TANC1: variants seen among roughly 807,000 people sequenced by gnomAD.
The protein encoded by TANC1 is tetratricopeptide repeat, ankyrin repeat and coiled-coil containing 1.
In TANC1, 77 loss-of-function variants were observed where a neutral mutation model predicts 149.7. That is an observed-to-expected ratio of 0.51 (90% CI 0.43 to 0.62). The LOEUF is 0.62. Ranked by LOEUF, TANC1 falls within the 20% of genes least tolerant of loss-of-function variation. The pLI is 0.00. For synonymous variants in TANC1, 854 were observed against 925.0 expected, an observed-to-expected ratio of 0.92 and a Z score of 1.39; for missense variants, 1,985 against 2,321.8, an observed-to-expected ratio of 0.85 and a Z score of 2.98.
intron 2 of TANC1, among the ~76,000 whole-genome samples, chr2:159,029,590 G>A (rs2039621795): frequency 1.3e-5 from 2 of 152,154 alleles, no homozygotes; most frequent in South Asian, 2.1e-4. Flanking sequence ...TTTAGAGACA[G>A]TCTTGCTCTG....
chr2:159,104,131 G>A (rs1220533853), intron 4 of TANC1, among the ~76,000 whole-genome samples: 2 of 96,310 alleles, frequency 2.1e-5, no homozygotes, highest in Non-Finnish European at 2.9e-5. Context: ...GAGGTGAATA[G>A]GAGAGCATTC....
intron 2 of TANC1, among the ~76,000 whole-genome samples, chr2:159,033,136 T>A (rs977544307): frequency 2.0e-5 from 3 of 152,146 alleles, no homozygotes; most frequent in African/African-American, 2.4e-5. Flanking sequence ...AAGCCTAGTC[T>A]GTGGTTGGGA....
At chr2:159,096,293 A>T (rs115640433) in intron 3 of TANC1, among the ~76,000 whole-genome samples, 126 of 130,694 alleles carry the variant, frequency 9.6e-4, no homozygotes, top group African/African-American at 2.6e-3. Flanking sequence ...GACTGGCTGT[A>T]TTTTTTTTTT....
chr2:159,074,048 A>G (rs1281158048), intron 3 of TANC1, among the ~76,000 whole-genome samples: 1 of 152,198 alleles, frequency 6.6e-6, no homozygotes, highest in African/African-American at 2.4e-5. Context: ...GATCAGCATC[A>G]AATTGAGAAA....
chr2:159,081,560 GA>G (rs1282220625), intron 3 of TANC1, among the ~76,000 whole-genome samples: 2 of 152,114 alleles, frequency 1.3e-5, no homozygotes, highest in Non-Finnish European at 2.9e-5. Context: ...GATGTGGCAG[GA>G]AAAAGTTTAA....
At chr2:159,218,498 G>A (rs9287785) in intron 20 of TANC1, among the ~76,000 whole-genome samples, 13,170 of 152,204 alleles carry the variant, frequency 0.087, 1,209 homozygotes, top group East Asian at 0.23. Context: ...GTGGATAAAC[G>A]AGCAAGAAGG....
At chr2:159,036,871 A>G (rs900084565) in intron 2 of TANC1, among the ~76,000 whole-genome samples, 3 of 152,198 alleles carry the variant, frequency 2.0e-5, no homozygotes, top group African/African-American at 7.2e-5. Flanking sequence ...TTGAGTATAT[A>G]CCCAGTAATG....
intron 14 of TANC1, among the ~76,000 whole-genome samples, chr2:159,179,879 A>G (rs1053620596): frequency 2.0e-5 from 3 of 152,068 alleles, no homozygotes; most frequent in African/African-American, 7.3e-5. Flanking sequence ...TCAGATATGT[A>G]TATGGCAAGC....
chr2:158,972,085 CT>C (rs2032970268), intron 1 of TANC1, among the ~76,000 whole-genome samples: 1 of 152,142 alleles, frequency 6.6e-6, no homozygotes, highest in Non-Finnish European at 1.5e-5. Flanking sequence ...GGTAATAAAA[CT>C]TTCTCCTCAA....
In TANC1 at chr2:159,162,327, G is replaced by T. The variant is rs1334252214; in HGVS notation, c.683-956G>T. On this transcript the variant is annotated intron_variant, in intron 7 of 26. Coordinates refer to ENST00000263635, the MANE Select transcript of TANC1 (RefSeq NM_033394.3). ...AACAGGCGTGGAGTTGAGGGCCTAG[G>T]TGACTGGAATCCAGATAGGGAAAGA... is the stretch of plus-strand genomic sequence containing the variant. Among the ~76,000 whole-genome samples, 3 of 152,268 alleles carry T rather than the reference G, an allele frequency of 2.0e-5. No homozygotes were observed. The East Asian group carries it at 5.8e-4, about 29-fold the overall frequency.
chr2:159,204,746 A>G (rs748599261), intron 19 of TANC1, among the ~76,000 whole-genome samples: 8 of 152,208 alleles, frequency 5.3e-5, no homozygotes, highest in Non-Finnish European at 7.3e-5. Flanking sequence ...AAGTGTTTTT[A>G]TGTTAAGTCA....
chr2:159,059,513 C>A (rs1021524339), intron 2 of TANC1, among the ~76,000 whole-genome samples: 17 of 131,652 alleles, frequency 1.3e-4, no homozygotes, highest in African/African-American at 3.5e-4. Flanking sequence ...TTAAAAAAAA[C>A]CAAATATATA....
Position 159,172,243 on chromosome 2 carries a change from G to C in TANC1, c.1474G>C (p.Glu492Gln), listed in dbSNP as rs1336381175. Residue 492 changes from glutamate (E) to glutamine (Q), a missense_variant, in exon 11 of 27, where the codon GAG becomes CAG. Around this residue, in one of 3 missense-constraint regions of TANC1, gnomAD observed 557 missense variants for 612.9 expected, o/e 0.91. Coordinates refer to ENST00000263635, the MANE Select transcript of TANC1 (RefSeq NM_033394.3). The part of the protein sequence containing the change: ...SISAENQRPR[E>Q]DAVKYLASKV... ...CAGTGCTGAAAACCAGAGACCAAGAGAGGATGCAGTGAAATATCTTGCTTC... is the reference window on the plus strand; with the variant it reads ...CAGTGCTGAAAACCAGAGACCAAGACAGGATGCAGTGAAATATCTTGCTTC... The C allele has an allele frequency of 4.3e-6, 7 of 1,614,132 alleles. No individual in the cohort carries two copies. The highest frequency in any genetic ancestry group is 5.9e-6 in the Non-Finnish European group (7 of 1,179,980).
chr2:159,198,867 G>C, intron 18 of TANC1, 108 bp from the exon 19 acceptor site: 3 of 730,846 alleles, frequency 4.1e-6, no homozygotes, highest in Non-Finnish European at 7.3e-6. Flanking sequence ...TCCTTGGGCA[G>C]TGTGAGATAA....
At chr2:159,179,224 AT>A (rs1376931544) in intron 14 of TANC1, 61 bp downstream of exon 14, 2 of 1,545,636 alleles carry the variant, frequency 1.3e-6, no homozygotes, top group Non-Finnish European at 1.7e-6. Context: ...TGGGGAAAGG[AT>A]TTAAATGTGA....
chr2:159,035,207 T>C (rs1275471494), intron 2 of TANC1, among the ~76,000 whole-genome samples: 1 of 151,614 alleles, frequency 6.6e-6, no homozygotes, highest in Non-Finnish European at 1.5e-5. Context: ...CTCTATGAAG[T>C]TTTTTTTTGA....
rs200324142 is a variant in TANC1, at chr2:159,195,535, ACTG to A, written c.2979+1045_2979+1047del. 7.6e-3 allele frequency among the ~76,000 whole-genome samples: 1,162 copies of A among 152,324 alleles called. 17 individuals carry two copies. Among genetic ancestry groups the A allele is most frequent in the African/African-American group, 0.027 (1,124 of 41,580 alleles). The stretch of plus-strand genomic sequence containing the variant: ...GCCTTTTGAATAACAGTAGAGATAA[ACTG>A]CTAATTATCTTTTGTCTTTTAATTA... On this transcript the variant is annotated intron_variant, in intron 17 of 26. Transcript: ENST00000263635.
chr2:159,225,255 GGCC>G, intron 23 of TANC1: 1 of 229,650 alleles, frequency 4.4e-6, no homozygotes. Flanking sequence ...GAGAGGTTGT[GGCC>G]GAGCTGTAGG....
intron 1 of TANC1, among the ~76,000 whole-genome samples, chr2:158,993,443 G>A (rs533901485): frequency 1.2e-4 from 19 of 152,070 alleles, no homozygotes; most frequent in Admixed American, 7.2e-4. Flanking sequence ...GTAGAGACAG[G>A]GTTTCACCAT....
Sources: gnomAD v4.1 joint callset for allele counts (sites outside exome capture counted in the v4.1 genomes callset) on GRCh38, gnomAD v4.1.1 for gene constraint, gnomAD v4.1.1 regional missense constraint, MANE v1.5 for transcripts, NCBI Gene and HGNC (gene_info 2026-07-23, HGNC 2026-07-21) for gene names.